The following LRRC37A2 variants were observed in gnomAD, a reference collection of about 807,000 sequenced individuals.
LRRC37A2 encodes the protein leucine rich repeat containing 37 member A2, also known as leucine-rich repeat-containing protein 37A2.
In LRRC37A2, 9 loss-of-function variants were observed where a neutral mutation model predicts 68.8. The observed-to-expected ratio is 0.13, with a 90% confidence interval of 0.08 to 0.23. The LOEUF (loss-of-function observed/expected upper bound fraction) is 0.23. LRRC37A2 is among the 10% of genes least tolerant of loss of function. LRRC37A2 has a pLI of 1.00. For missense variants in LRRC37A2, 168 were observed against 950.4 expected, an observed-to-expected ratio of 0.18 and a Z score of 10.82; for synonymous variants, 63 against 367.6, an observed-to-expected ratio of 0.17 and a Z score of 9.48.
chr17:47,019,505 G>A, the LRRC37A2 span: 1 of 1,550,078 alleles, frequency 6.5e-7, no homozygotes, highest in Admixed American at 1.7e-5. Context: ...CCCTGGAGAA[G>A]ACTACAGCTC....
the LRRC37A2 span, chr17:46,940,886 ACTTCT>A: frequency 7.2e-7 from 1 of 1,395,318 alleles, no homozygotes. Context: ...TCACATGACC[ACTTCT>A]CTTCACACAT....
chr17:46,502,307 C>A, the LRRC37A2 span, among the ~76,000 whole-genome samples: 2 of 151,040 alleles, frequency 1.3e-5, no homozygotes, highest in African/African-American at 5.0e-5. Flanking sequence ...GTTTAAGGGT[C>A]CTTTTATTTT....
chr17:46,818,509 G>A, the LRRC37A2 span: 3 of 1,603,214 alleles, frequency 1.9e-6, no homozygotes, highest in African/African-American at 1.3e-5. Flanking sequence ...GACAAGAGGC[G>A]AGTCTTACCA....
chr17:46,710,875 TTA>T, the LRRC37A2 span: 1 of 1,174,328 alleles, frequency 8.5e-7, no homozygotes, highest in Non-Finnish European at 1.2e-6. Flanking sequence ...ATCAATACCT[TTA>T]GCATGTACGG....
At chr17:46,499,275 G>A in the LRRC37A2 span, among the ~76,000 whole-genome samples, 4 of 110,166 alleles carry the variant, frequency 3.6e-5, 1 homozygote, top group African/African-American at 1.3e-4. Flanking sequence ...TTGCACCACT[G>A]CACTCCAGCC....
At chr17:46,966,498 C>A in the LRRC37A2 span, 1 of 680,066 alleles carries the variant, frequency 1.5e-6, no homozygotes, top group South Asian at 1.6e-5. Context: ...CAGGTGCACC[C>A]CACCACACCC....
At chr17:46,776,452 G>C in the LRRC37A2 span, among the ~76,000 whole-genome samples, 1 of 152,144 alleles carries the variant, frequency 6.6e-6, no homozygotes. Flanking sequence ...TAATCCTCAC[G>C]GCAGGTCTGT....
chr17:46,782,138 G>A, the LRRC37A2 span, among the ~76,000 whole-genome samples: 1 of 152,216 alleles, frequency 6.6e-6, no homozygotes, highest in Non-Finnish European at 1.5e-5. Flanking sequence ...GTCTCCCCAA[G>A]TCATGCCTTC....
At chr17:46,806,603 A>G in the LRRC37A2 span, among the ~76,000 whole-genome samples, 1 of 152,234 alleles carries the variant, frequency 6.6e-6, no homozygotes, top group African/African-American at 2.4e-5. Context: ...CACAGACTCC[A>G]TCCTTACTGG....
the LRRC37A2 span, among the ~76,000 whole-genome samples, chr17:46,856,764 G>A: frequency 7.2e-5 from 11 of 151,890 alleles, no homozygotes; most frequent in African/African-American, 1.9e-4. Flanking sequence ...AATTATGGGC[G>A]TGCACCACCA....
chr17:46,940,010 T>C, the LRRC37A2 span: 1 of 1,010,116 alleles, frequency 9.9e-7, no homozygotes, highest in Non-Finnish European at 1.2e-6. Context: ...GGAAACCGGC[T>C]CAGTATTAAC....
At chr17:46,913,347 C>A in the LRRC37A2 span, among the ~76,000 whole-genome samples, 1 of 152,244 alleles carries the variant, frequency 6.6e-6, no homozygotes, top group African/African-American at 2.4e-5. Flanking sequence ...ACACATCTTC[C>A]ACCCTCGGGC....
the LRRC37A2 span, among the ~76,000 whole-genome samples, chr17:46,778,335 A>G: frequency 1.3e-5 from 2 of 152,214 alleles, no homozygotes; most frequent in Non-Finnish European, 2.9e-5. Flanking sequence ...TCACTCAAAG[A>G]GTGCAGGCAA....
At chr17:46,621,125 G>T in the LRRC37A2 span, among the ~76,000 whole-genome samples, 1 of 140,346 alleles carries the variant, frequency 7.1e-6, no homozygotes. Context: ...AAAATTCAGT[G>T]GCTACTCTCT....
At chr17:46,862,610 T>C in the LRRC37A2 span, among the ~76,000 whole-genome samples, 1 of 151,880 alleles carries the variant, frequency 6.6e-6, no homozygotes, top group Non-Finnish European at 1.5e-5. Context: ...TGAGACGGAG[T>C]CTTGCTCTGT....
the LRRC37A2 span, among the ~76,000 whole-genome samples, chr17:46,952,423 A>G: frequency 6.6e-6 from 1 of 152,092 alleles, no homozygotes; most frequent in African/African-American, 2.4e-5. Context: ...TTCCTCCCCT[A>G]TTCTCACTAG....
At chr17:46,850,505 C>T in the LRRC37A2 span, among the ~76,000 whole-genome samples, 1 of 152,180 alleles carries the variant, frequency 6.6e-6, no homozygotes, top group Admixed American at 6.5e-5. Flanking sequence ...AAGCCAAGGT[C>T]GCAGTCACTT....
the LRRC37A2 span, chr17:46,935,446 C>T: frequency 7.1e-7 from 1 of 1,410,720 alleles, no homozygotes; most frequent in African/African-American, 1.4e-5. Flanking sequence ...AAAGTGAGTG[C>T]TACTACGAGG....
the LRRC37A2 span, among the ~76,000 whole-genome samples, chr17:46,760,618 AG>A: frequency 6.7e-6 from 1 of 149,364 alleles, no homozygotes; most frequent in Admixed American, 6.7e-5. Context: ...TGGGCAACAG[AG>A]GAAGACCCTA....
Sources: gnomAD v4.1 joint callset for allele counts (sites outside exome capture counted in the v4.1 genomes callset) on GRCh38, gnomAD v4.1.1 for gene constraint, MANE v1.5 for transcripts, NCBI Gene and HGNC (gene_info 2026-07-23, HGNC 2026-07-21) for gene names.